The following ACVR2A variants were observed in gnomAD, a reference collection of about 807,000 sequenced individuals.
The protein encoded by ACVR2A is activin A receptor type 2A, also known as activin receptor type-2A.
In ACVR2A, 7 loss-of-function variants were observed where a neutral mutation model predicts 61.4. The observed-to-expected ratio is 0.11, with a 90% CI of 0.06 to 0.21. The LOEUF (loss-of-function observed/expected upper bound fraction) is 0.21, where lower values mean the gene tolerates loss of function less well. Ranked by LOEUF, ACVR2A falls within the 10% of genes least tolerant of loss-of-function variation. ACVR2A has a pLI of 1.00. For missense variants in ACVR2A, 322 were observed against 621.7 expected (o/e 0.52, Z 5.13); for synonymous variants, 193 against 208.3 (o/e 0.93, Z 0.63).
intron 1 of ACVR2A, among the ~76,000 whole-genome samples, chr2:147,894,476 G>A (rs896992615): frequency 6.6e-6 from 1 of 151,934 alleles, no homozygotes; most frequent in Non-Finnish European, 1.5e-5. Context: ...ACATTGAGTG[G>A]ATTTTTTTTT....
chr2:147,851,531 C>T (rs1194906809), intron 1 of ACVR2A, among the ~76,000 whole-genome samples: 1 of 152,026 alleles, frequency 6.6e-6, no homozygotes, highest in Admixed American at 6.5e-5. Flanking sequence ...AATGTGTAAT[C>T]CTTTATTGTA....
At chr2:147,896,221 A>T in intron 1 of ACVR2A, 80 bp from the exon 2 acceptor site, 5 of 1,262,794 alleles carry the variant, frequency 4.0e-6, no homozygotes, top group Non-Finnish European at 5.6e-6. Flanking sequence ...CTTTAGGAAT[A>T]CCTAAAGTTG....
In ACVR2A at chr2:147,923,197, T is replaced by G. The variant is rs1337215892; in HGVS notation, c.1216+86T>G. 2.1e-6 allele frequency: 3 copies of G among 1,421,770 alleles called. No homozygotes were observed. In the East Asian group the frequency reaches 7.0e-5, roughly 33 times the overall value. 88.1% of individuals were successfully genotyped at this position (1,421,770 alleles called of 1,614,324 possible). On this transcript the variant is annotated intron_variant, in intron 9 of 10. Transcript: ENST00000241416. ...GATGATACACTCCAAGGTAATATTT[T>G]AAAGTACAGTTTTTTTTTAATTGAC...
intron 1 of ACVR2A, among the ~76,000 whole-genome samples, chr2:147,866,066 T>TAG (rs1008839616): frequency 2.4e-4 from 36 of 152,046 alleles, no homozygotes; most frequent in African/African-American, 8.0e-4. Context: ...CGAGGACAGT[T>TAG]AGAGAGTAGG....
At position 147,913,822 on chromosome 2, in the gene ACVR2A, CAAAAAAAAA is replaced by C. The variant is rs575237522; in HGVS notation, c.529-1348_529-1340del. 1.5e-3 allele frequency among the ~76,000 whole-genome samples: 91 copies of C among 61,804 alleles called. 1 individual carries two copies. The highest frequency in any genetic ancestry group is 4.9e-3 in the African/African-American group (61 of 12,538). 40.5% of individuals were successfully genotyped at this position (61,804 alleles called of 152,430 possible). On this transcript the variant is annotated intron_variant, in intron 4 of 10. Coordinates refer to ENST00000241416, the MANE Select transcript of ACVR2A (RefSeq NM_001616.5). ...GTGGGAAGGACAAGCAACTTGTAGA[CAAAAAAAAA>C]AAAAAAAAAAAAAAAAAAAAGTCTG...
intron 1 of ACVR2A, among the ~76,000 whole-genome samples, chr2:147,874,954 C>T (rs1686117485): frequency 6.6e-6 from 1 of 151,870 alleles, no homozygotes; most frequent in Admixed American, 6.6e-5. Flanking sequence ...TCATAGTTGT[C>T]ATTAAGTAGT....
chr2:147,860,960 G>C (rs1685711752), intron 1 of ACVR2A, among the ~76,000 whole-genome samples: 2 of 152,154 alleles, frequency 1.3e-5, no homozygotes, highest in African/African-American at 4.8e-5. Flanking sequence ...AGATTTTTCA[G>C]TGTAAAGTTA....
intron 1 of ACVR2A, among the ~76,000 whole-genome samples, chr2:147,868,464 G>A (rs1424262109): frequency 6.6e-6 from 1 of 151,972 alleles, no homozygotes; most frequent in Non-Finnish European, 1.5e-5. Flanking sequence ...CTGTAGCAGT[G>A]GGCAACCTTT....
At chr2:147,848,956 G>A (rs537511974) in intron 1 of ACVR2A, among the ~76,000 whole-genome samples, 9 of 152,154 alleles carry the variant, frequency 5.9e-5, no homozygotes, top group South Asian at 2.1e-4. Flanking sequence ...TCCAGGTAAC[G>A]TTGTATTGAA....
Position 147,928,403 on chromosome 2 carries a change from C to CT in ACVR2A, c.*1130dup, listed in dbSNP as rs776619624. The stretch of plus-strand genomic sequence containing the variant: ...GTCGTTACCCAGAATTCCCCACTGT[C>CT]TGCTATGAGACTTGTAACTTTATCA... On this transcript the variant is annotated 3_prime_UTR_variant, in exon 11 of 11. Transcript: ENST00000241416. 2.0e-5 allele frequency: 3 copies of CT among 152,098 alleles called. No homozygotes were observed. The highest frequency in any genetic ancestry group is 4.4e-5 in the Non-Finnish European group (3 of 67,886). The allele number at this position is 152,098 out of a possible 1,614,324, so 9.4% of individuals were successfully genotyped here.
At position 147,849,032 on chromosome 2, in the gene ACVR2A, T is replaced by TA. The variant is rs1299665975; in HGVS notation, c.55+3826dup. On this transcript the variant is annotated intron_variant, in intron 1 of 10. Transcript: ENST00000241416. ...TTAAATTAGAGAAACAGACTATAGA[T>TA]ACGCACATTCTTTCATCCTTGATGA... 5.9e-5 allele frequency among the ~76,000 whole-genome samples: 9 copies of TA among 152,158 alleles called. No homozygotes were observed. In the South Asian group the frequency reaches 6.2e-4, roughly 10 times the overall value.
At chr2:147,845,865 G>A (rs906114550) in intron 1 of ACVR2A, among the ~76,000 whole-genome samples, 1 of 152,194 alleles carries the variant, frequency 6.6e-6, no homozygotes, top group Non-Finnish European at 1.5e-5. Context: ...ACCACCATTT[G>A]TGTGCTCTTT....
chr2:147,876,875 G>A (rs940103011), intron 1 of ACVR2A, among the ~76,000 whole-genome samples: 3 of 152,144 alleles, frequency 2.0e-5, no homozygotes, highest in Admixed American at 6.6e-5. Context: ...GATAGACACA[G>A]TTGTTCCTTG....
chr2:147,921,584 G>A (rs996572136), intron 8 of ACVR2A, among the ~76,000 whole-genome samples: 1 of 152,132 alleles, frequency 6.6e-6, no homozygotes, highest in Non-Finnish European at 1.5e-5. Context: ...TTGGGGTAAT[G>A]GTCAGTAGCC....
chr2:147,862,110 G>A (rs1461918280), intron 1 of ACVR2A, among the ~76,000 whole-genome samples: 2 of 152,142 alleles, frequency 1.3e-5, no homozygotes, highest in Non-Finnish European at 2.9e-5. Flanking sequence ...GGCTTTTAGA[G>A]AGTCCCCTTC....
Position 147,930,498 on chromosome 2 carries a change from C to CAA in ACVR2A, c.*3225_*3226dup, listed in dbSNP as rs1300707025. ...TTATCCATTTATGGGCAAAATGATA[C>CAA]AAGTAGCATCTTGATTGAACATCAT... is the stretch of plus-strand genomic sequence containing the variant. On this transcript the variant is annotated 3_prime_UTR_variant, in exon 11 of 11. Transcript: ENST00000241416. The CAA allele has an allele frequency of 6.6e-6, 1 of 152,128 alleles. No homozygotes were observed. Among genetic ancestry groups the CAA allele is most frequent in the Non-Finnish European group, 1.5e-5 (1 of 67,926 alleles). 9.4% of individuals were successfully genotyped at this position (152,128 alleles called of 1,614,324 possible). A position where few individuals can be genotyped will look rare whatever the true frequency, so the allele number is the denominator to read the frequency against.
intron 9 of ACVR2A, among the ~76,000 whole-genome samples, chr2:147,924,156 G>T (rs1394737311): frequency 6.6e-6 from 1 of 152,030 alleles, no homozygotes; most frequent in Non-Finnish European, 1.5e-5. Context: ...AGAGTGTTTT[G>T]ACTCTAAGAG....
intron 5 of ACVR2A, 43 bp from the exon 6 acceptor site, chr2:147,917,237 AACC>A: frequency 6.3e-7 from 1 of 1,579,816 alleles, no homozygotes; most frequent in Non-Finnish European, 8.6e-7. Context: ...TGGTTTATTA[AACC>A]TGTATTCCTT....
At chr2:147,871,460 C>A (rs530256457) in intron 1 of ACVR2A, among the ~76,000 whole-genome samples, 1 of 152,118 alleles carries the variant, frequency 6.6e-6, no homozygotes, top group South Asian at 2.1e-4. Context: ...TGGTTTTATT[C>A]AAATAAGAAA....
Sources: gnomAD v4.1 joint callset for allele counts (sites outside exome capture counted in the v4.1 genomes callset) on GRCh38, gnomAD v4.1.1 for gene constraint, MANE v1.5 for transcripts, NCBI Gene and HGNC (gene_info 2026-07-23, HGNC 2026-07-21) for gene names.